The following PCNX1 variants were observed in gnomAD, a reference collection of about 807,000 sequenced individuals.
PCNX1 encodes the protein pecanex 1.
In PCNX1, 78 loss-of-function variants were observed where a neutral mutation model predicts 242.2. The ratio of observed to expected loss-of-function variants is 0.32; its 90% CI spans 0.27 to 0.39. The LOEUF (loss-of-function observed/expected upper bound fraction) is 0.39, where lower values mean the gene tolerates loss of function less well. Among genes scored for constraint, PCNX1 ranks in the 10% least tolerant of loss-of-function variants. PCNX1 has a pLI of 1.00. For synonymous variants in PCNX1, 1,024 were observed against 1,032.9 expected (o/e 0.99, Z 0.17); for missense variants, 2,581 against 2,856.5 (o/e 0.90, Z 2.20).
At chr14:70,941,134 G>A (rs968730618) in intron 1 of PCNX1, among the ~76,000 whole-genome samples, 2 of 152,152 alleles carry the variant, frequency 1.3e-5, no homozygotes, top group East Asian at 1.9e-4. Context: ...CTGTCAACTC[G>A]TCAAACTCAT....
intron 26 of PCNX1, among the ~76,000 whole-genome samples, chr14:71,067,863 A>G (rs1365934571): frequency 6.6e-6 from 1 of 151,854 alleles, no homozygotes; most frequent in East Asian, 1.9e-4. Flanking sequence ...TTCGTTATAT[A>G]TATCTAGTAG....
intron 10 of PCNX1, chr14:71,012,465 T>TATTG (rs762195575): frequency 1.2e-5 from 2 of 161,816 alleles, no homozygotes; most frequent in African/African-American, 2.4e-5. Context: ...ACAATAGGTT[T>TATTG]ATTGATTAAT....
chr14:71,075,102 C>T (rs1566778658), intron 27 of PCNX1, among the ~76,000 whole-genome samples: 1 of 148,274 alleles, frequency 6.7e-6, no homozygotes, highest in Admixed American at 6.9e-5. Flanking sequence ...TCAAGCAATA[C>T]ACCCACGTTA....
chr14:71,033,289 T>TA (rs2060441292), intron 16 of PCNX1, 140 bp from the exon 17 acceptor site: 1 of 545,476 alleles, frequency 1.8e-6, no homozygotes, highest in Non-Finnish European at 3.2e-6. Context: ...TTTTCTGGAA[T>TA]AAAATGCAAT....
At position 71,060,111 on chromosome 14, in the gene PCNX1, C is replaced by T. The variant is rs563970630; in HGVS notation, c.4852+2387C>T. 1.6e-3 allele frequency among the ~76,000 whole-genome samples: 244 copies of T among 152,278 alleles called. 1 individual carries two copies. Among genetic ancestry groups the T allele is most frequent in the Admixed American group, 2.8e-3 (43 of 15,298 alleles). ...ATTCTTACACAGTCATGGACTGCAG[C>T]AATGGACTGCACATATCACAATGGT... On this transcript the variant is annotated intron_variant, in intron 26 of 35. Transcript: ENST00000304743.
intron 1 of PCNX1, among the ~76,000 whole-genome samples, chr14:70,920,688 CTG>C (rs1421058179): frequency 2.0e-5 from 3 of 152,096 alleles, no homozygotes; most frequent in African/African-American, 7.2e-5. Context: ...TCTTGGCTCT[CTG>C]TATAATGCTG....
rs751395287 is a variant in PCNX1, at chr14:70,995,759, A to G, written c.2463A>G (p.Gln821=). 46 of 1,613,926 alleles carry G rather than the reference A, an allele frequency of 2.9e-5. No individual in the cohort carries two copies. The highest frequency in any genetic ancestry group is 2.5e-6 in the Non-Finnish European group (3 of 1,179,974). The change falls in exon 8 of 36, where the codon CAA becomes CAG. Residue 821 remains glutamine, a synonymous_variant. Transcript: ENST00000304743. ...TTCCTAGCCTTCAAGATGGTCAGCA[A>G]GGCCAGCAGTCCACAGCCCAGGTCA... The part of the protein sequence containing the change: ...GSPLSLQDGQ[Q]GQQSTAQVKV...
At chr14:70,969,209 T>G in intron 5 of PCNX1, 99 bp downstream of exon 5, 1 of 724,448 alleles carries the variant, frequency 1.4e-6, no homozygotes, top group Non-Finnish European at 2.5e-6. Flanking sequence ...TTATAACAAT[T>G]TAATATGATA....
At chr14:70,965,314 A>G in intron 3 of PCNX1, 1 of 152,176 alleles carries the variant, frequency 6.6e-6, no homozygotes, top group Non-Finnish European at 1.5e-5. Context: ...ATACTGAAAG[A>G]GATTGTGATC....
chr14:70,963,731 G>A (rs1483710531), intron 3 of PCNX1, among the ~76,000 whole-genome samples: 2 of 152,140 alleles, frequency 1.3e-5, no homozygotes, highest in African/African-American at 2.4e-5. Context: ...TTACTACATA[G>A]CATCACTTTC....
intron 5 of PCNX1, among the ~76,000 whole-genome samples, chr14:70,970,750 C>T (rs935406082): frequency 1.3e-5 from 2 of 152,194 alleles, no homozygotes; most frequent in African/African-American, 4.8e-5. Context: ...CTACTCAACT[C>T]TGCCATTGTA....
rs762210610 is a variant in PCNX1 at position 71,034,041 on chromosome 14, GT to G, written c.3774+9del. The G allele has an allele frequency of 1.4e-6, 2 of 1,475,240 alleles. No individual in the cohort carries two copies. The highest frequency in any genetic ancestry group is 1.2e-5 in the South Asian group (1 of 86,808). The allele number at this position is 1,475,240 out of a possible 1,614,324, so 91.4% of individuals were successfully genotyped here. ...GAAAAACTTAGAAATTCTGTTGTAA[GT>G]TTTAACATTTAGAATCACCTAAAAG... On this transcript the variant is annotated splice_donor_region_variant and intron_variant, in intron 18 of 35. Transcript: ENST00000304743.
At chr14:71,063,918 C>T (rs1036461248) in intron 26 of PCNX1, among the ~76,000 whole-genome samples, 2 of 151,842 alleles carry the variant, frequency 1.3e-5, no homozygotes, top group Non-Finnish European at 2.9e-5. Context: ...CATTTTTTGT[C>T]TATATCAGAA....
In PCNX1 at chr14:71,035,994, A is replaced by G. The variant is rs1357179812; in HGVS notation, c.3775-71A>G. On this transcript the variant is annotated intron_variant, in intron 18 of 35. Coordinates refer to ENST00000304743, the MANE Select transcript of PCNX1 (RefSeq NM_014982.3). ...AAAAATTAATTCTTAAACTTTGCCA[A>G]TTGGGAATAAAGGAAAAAGATTTTT... The G allele has an allele frequency of 8.7e-5, 89 of 1,023,508 alleles. No individual in the cohort carries two copies. The East Asian group carries it at 1.4e-3, about 16-fold the overall frequency. The allele number at this position is 1,023,508 out of a possible 1,614,324, so 63.4% of individuals were successfully genotyped here. A position where few individuals can be genotyped will look rare whatever the true frequency, so the allele number is the denominator to read the frequency against.
At chr14:71,059,316 A>G (rs1317644381) in intron 26 of PCNX1, among the ~76,000 whole-genome samples, 6 of 152,110 alleles carry the variant, frequency 3.9e-5, no homozygotes, top group Non-Finnish European at 7.4e-5. Context: ...AAATACAGCA[A>G]CCCTTACTCT....
At chr14:70,923,675 T>C (rs1356911124) in intron 1 of PCNX1, among the ~76,000 whole-genome samples, 4 of 152,202 alleles carry the variant, frequency 2.6e-5, no homozygotes, top group Non-Finnish European at 5.9e-5. Flanking sequence ...CACCCCCCAC[T>C]TAATATATCT....
intron 28 of PCNX1, 49 bp from the exon 29 acceptor site, chr14:71,088,281 A>T: frequency 9.5e-7 from 1 of 1,052,682 alleles, no homozygotes; most frequent in Non-Finnish European, 1.5e-6. Context: ...ATGATTTGTT[A>T]AATACTTACA....
At chr14:70,972,776 A>G (rs924480150) in intron 5 of PCNX1, among the ~76,000 whole-genome samples, 1 of 152,188 alleles carries the variant, frequency 6.6e-6, no homozygotes, top group Non-Finnish European at 1.5e-5. Context: ...AAGATAATCT[A>G]CAGTTTCCCT....
At chr14:70,911,576 T>C (rs776219697) in intron 1 of PCNX1, among the ~76,000 whole-genome samples, 1 of 152,070 alleles carries the variant, frequency 6.6e-6, no homozygotes, top group Non-Finnish European at 1.5e-5. Flanking sequence ...TTTTTGGGGG[T>C]GAGTGGCATT....
Sources: gnomAD v4.1 joint callset for allele counts (sites outside exome capture counted in the v4.1 genomes callset) on GRCh38, gnomAD v4.1.1 for gene constraint, MANE v1.5 for transcripts, NCBI Gene and HGNC (gene_info 2026-07-23, HGNC 2026-07-21) for gene names.